Variants in SEMA6A observed in about 807,000 individuals in gnomAD.
The protein encoded by SEMA6A is semaphorin 6A.
In SEMA6A, 25 loss-of-function variants were observed where a neutral mutation model predicts 96.8. The observed-to-expected ratio is 0.26, with a 90% CI of 0.19 to 0.36. The LOEUF (loss-of-function observed/expected upper bound fraction) is 0.36. SEMA6A is among the 10% of genes least tolerant of loss of function. SEMA6A has a pLI of 1.00. For missense variants in SEMA6A, 1,363 were observed against 1,323.1 expected, an observed-to-expected ratio of 1.03 and a Z score of -0.47; for synonymous variants, 612 against 518.0, an observed-to-expected ratio of 1.18 and a Z score of -2.46.
chr5:116,472,834 G>A (rs1756231586), intron 17 of SEMA6A: 1 of 1,339,334 alleles, frequency 7.5e-7, no homozygotes, highest in South Asian at 1.4e-5. Context: ...AACTACTGCT[G>A]GATGAATGAC....
chr5:116,503,054 T>G (rs1757965160), intron 2 of SEMA6A, among the ~76,000 whole-genome samples: 1 of 152,226 alleles, frequency 6.6e-6, no homozygotes, highest in Non-Finnish European at 1.5e-5. Flanking sequence ...TCTCTTTGGC[T>G]GAGAGTGGCC....
chr5:116,534,552 T>A (rs1436691345), intron 1 of SEMA6A, among the ~76,000 whole-genome samples: 2 of 152,210 alleles, frequency 1.3e-5, no homozygotes, highest in Non-Finnish European at 2.9e-5. Flanking sequence ...TTAGCTTAAA[T>A]GTTACTGCCT....
intron 1 of SEMA6A, among the ~76,000 whole-genome samples, chr5:116,538,289 GT>G (rs112574941): frequency 0.013 from 1,928 of 152,052 alleles, 32 homozygotes; most frequent in Admixed American, 0.043. Context: ...ATTGGTTTGA[GT>G]TTTTTTTGCA....
At position 116,446,608 on chromosome 5, in the gene SEMA6A, T is replaced by A; in HGVS notation, c.*5A>T. 2 of 1,472,256 alleles carry A rather than the reference T, an allele frequency of 1.4e-6. No homozygotes were observed. The highest frequency in any genetic ancestry group is 2.4e-5 in the East Asian group (1 of 41,040). 91.2% of individuals were successfully genotyped at this position (1,472,256 alleles called of 1,614,324 possible). On this transcript the variant is annotated 3_prime_UTR_variant, in exon 19 of 19. Coordinates refer to ENST00000343348, the MANE Select transcript of SEMA6A (RefSeq NM_020796.5). ...GGTTCGACACCTGACCCCCTCCCCC[T>A]GGGATTATGTACACGCATCATTGGG...
At chr5:116,457,441 G>C (rs1337128083) in intron 18 of SEMA6A, among the ~76,000 whole-genome samples, 1 of 152,024 alleles carries the variant, frequency 6.6e-6, no homozygotes, top group African/African-American at 2.4e-5. Flanking sequence ...GACTGCCTCT[G>C]ATTTCAGTAA....
At chr5:116,562,867 T>A in intron 1 of SEMA6A, 3 of 638,566 alleles carry the variant, frequency 4.7e-6, no homozygotes, top group South Asian at 3.0e-5. Context: ...CAGGAGGAAA[T>A]AGGACAAAGA....
chr5:116,506,683 G>C (rs943416214), intron 1 of SEMA6A, among the ~76,000 whole-genome samples: 33 of 152,066 alleles, frequency 2.2e-4, no homozygotes, highest in African/African-American at 7.7e-4. Flanking sequence ...GCATCTGGCG[G>C]GAGGGGGAGG....
chr5:116,454,960 G>A (rs1754914495), intron 18 of SEMA6A, among the ~76,000 whole-genome samples: 1 of 152,086 alleles, frequency 6.6e-6, no homozygotes, highest in Non-Finnish European at 1.5e-5. Context: ...GCTGTTTAAT[G>A]TCCTGAATTC....
intron 10 of SEMA6A, among the ~76,000 whole-genome samples, chr5:116,485,992 A>T (rs866163850): frequency 6.6e-6 from 1 of 152,224 alleles, no homozygotes; most frequent in Non-Finnish European, 1.5e-5. Context: ...TTAGTTGCTC[A>T]AAGTCTTAGT....
chr5:116,451,666 C>T (rs1458697431), intron 18 of SEMA6A, among the ~76,000 whole-genome samples: 1 of 152,102 alleles, frequency 6.6e-6, no homozygotes, highest in Non-Finnish European at 1.5e-5. Context: ...GTTTTCAATA[C>T]ATTGTAGAGC....
At chr5:116,481,882 C>G (rs1742270488) in intron 11 of SEMA6A, among the ~76,000 whole-genome samples, 1 of 152,094 alleles carries the variant, frequency 6.6e-6, no homozygotes, top group Admixed American at 6.6e-5. Context: ...GAGGACACTG[C>G]ACTGTATTTG....
intron 18 of SEMA6A, among the ~76,000 whole-genome samples, chr5:116,448,375 C>T (rs760021653): frequency 1.3e-5 from 2 of 151,984 alleles, no homozygotes; most frequent in Admixed American, 6.6e-5. Flanking sequence ...GTGCTGTTCA[C>T]TCTTTCCAGT....
Position 116,562,650 on chromosome 5 carries a change from G to A in SEMA6A, c.-39+11535C>T, listed in dbSNP as rs75004660. On this transcript the variant is annotated intron_variant, in intron 1 of 18. Transcript: ENST00000343348. ...GACGGAGAAAACATATTTGGTGTCCGCCATATCGTTGCACCCTTCAATGAC... is the reference window on the plus strand; with the variant it reads ...GACGGAGAAAACATATTTGGTGTCCACCATATCGTTGCACCCTTCAATGAC... The A allele has an allele frequency of 9.1e-4, 635 of 699,304 alleles. 5 individuals carry two copies. In the East Asian group the frequency reaches 0.017, roughly 19 times the overall value. The allele number at this position is 699,304 out of a possible 1,614,324, so 43.3% of individuals were successfully genotyped here.
chr5:116,518,023 C>T (rs1758748729), intron 1 of SEMA6A, among the ~76,000 whole-genome samples: 1 of 152,194 alleles, frequency 6.6e-6, no homozygotes, highest in Non-Finnish European at 1.5e-5. Flanking sequence ...CTGCCCTCTG[C>T]TTTGTTACAG....
intron 12 of SEMA6A, 147 bp from the exon 13 acceptor site, chr5:116,478,865 G>A: frequency 1.2e-6 from 1 of 810,118 alleles, no homozygotes; most frequent in South Asian, 2.0e-5. Flanking sequence ...AAGTGGTTCT[G>A]GCCCTTTATT....
In SEMA6A at chr5:116,480,370, G is replaced by A. The variant is rs553379635; in HGVS notation, c.1095-93C>T. 8.2e-6 allele frequency: 12 copies of A among 1,455,970 alleles called. No individual in the cohort carries two copies. In the East Asian group the frequency reaches 2.0e-4, roughly 25 times the overall value. The allele number at this position is 1,455,970 out of a possible 1,614,324, so 90.2% of individuals were successfully genotyped here. On this transcript the variant is annotated intron_variant, in intron 11 of 18. Transcript: ENST00000343348. Reference sequence around the variant, plus strand: ...AACTGCTTCTCTAAGCATCTGGAATGGAGGAGAATGTACTGCAGCCTGAGA... The same window carrying A: ...AACTGCTTCTCTAAGCATCTGGAATAGAGGAGAATGTACTGCAGCCTGAGA...
At chr5:116,478,929 A>AGTGTGTGTGTGT (rs34260068) in intron 12 of SEMA6A, among the ~76,000 whole-genome samples, 34 of 149,358 alleles carry the variant, frequency 2.3e-4, no homozygotes, top group Non-Finnish European at 3.6e-4. Flanking sequence ...GGTGTGAGAG[A>AGTGTGTGTGTGT]GTGTGTGTGT....
At chr5:116,452,169 C>A (rs974985321) in intron 18 of SEMA6A, among the ~76,000 whole-genome samples, 4 of 152,194 alleles carry the variant, frequency 2.6e-5, no homozygotes, top group Non-Finnish European at 4.4e-5. Context: ...TCTTGAAATT[C>A]CTTCCTCTGC....
At chr5:116,545,117 TC>T (rs1217842137) in intron 1 of SEMA6A, among the ~76,000 whole-genome samples, 1 of 152,138 alleles carries the variant, frequency 6.6e-6, no homozygotes, top group East Asian at 1.9e-4. Flanking sequence ...AGTTACCTGT[TC>T]CTAACTGTCC....
Sources: gnomAD v4.1 joint callset for allele counts (sites outside exome capture counted in the v4.1 genomes callset) on GRCh38, gnomAD v4.1.1 for gene constraint, MANE v1.5 for transcripts, NCBI Gene and HGNC (gene_info 2026-07-23, HGNC 2026-07-21) for gene names.